MED19: variants seen among roughly 807,000 people sequenced by gnomAD.
MED19 encodes the protein mediator complex subunit 19.
Under a neutral mutation model 19.9 loss-of-function variants are expected in MED19, and 4 were observed. That is an observed-to-expected ratio of 0.20 (90% confidence interval 0.10 to 0.46). MED19 has a LOEUF of 0.46. Among genes scored for constraint, MED19 ranks in the 20% least tolerant of loss-of-function variants. The pLI is 0.99. For missense variants in MED19, 303 were observed against 318.7 expected (o/e 0.95, Z 0.38); for synonymous variants, 139 against 119.6 (o/e 1.16, Z -1.06).
chr11:57,707,864 G>A (rs767683392), intron 1 of MED19, among the ~76,000 whole-genome samples: 1 of 151,954 alleles, frequency 6.6e-6, no homozygotes, highest in Non-Finnish European at 1.5e-5. Context: ...AGACAGTCTC[G>A]CTCTGTCACC....
At chr11:57,708,744 C>T (rs192721605) in intron 1 of MED19, among the ~76,000 whole-genome samples, 13 of 152,214 alleles carry the variant, frequency 8.5e-5, no homozygotes, top group Middle Eastern at 3.4e-3. Flanking sequence ...CCATCTCACC[C>T]GCCTCATACA....
chr11:57,710,957 G>T (rs1029639990), intron 1 of MED19, among the ~76,000 whole-genome samples: 2 of 152,194 alleles, frequency 1.3e-5, no homozygotes, highest in South Asian at 4.1e-4. Flanking sequence ...CTCCCAAAGC[G>T]CTGGGATTAC....
intron 1 of MED19, among the ~76,000 whole-genome samples, chr11:57,710,187 C>A (rs1385723648): frequency 6.6e-6 from 1 of 152,124 alleles, no homozygotes; most frequent in East Asian, 1.9e-4. Context: ...CACAGTAAGA[C>A]CCAGTCTCTA....
intron 1 of MED19, among the ~76,000 whole-genome samples, chr11:57,711,351 C>G (rs1292470923): frequency 6.6e-6 from 1 of 152,140 alleles, no homozygotes; most frequent in East Asian, 1.9e-4. Context: ...GTTCCAAACT[C>G]AAACCCTGGA....
chr11:57,703,931 G>A, exon 5 of MED19: 1 of 1,458,846 alleles, frequency 6.9e-7, no homozygotes. Context: ...CTCTGTCCCA[G>A]CTGCAGGATG....
chr11:57,703,924 T>C, exon 5 of MED19: 2 of 1,436,174 alleles, frequency 1.4e-6, no homozygotes, highest in South Asian at 1.4e-5. Flanking sequence ...AGCTGGCCTC[T>C]GTCCCAGCTG....
At chr11:57,704,875 C>T in intron 2 of MED19, 60 bp from the exon 3 acceptor site, 1 of 1,609,162 alleles carries the variant, frequency 6.2e-7, no homozygotes, top group Middle Eastern at 1.9e-4. Flanking sequence ...CTGCTCTTAT[C>T]ATCCATTCTG....
At chr11:57,710,420 C>T (rs563437398) in intron 1 of MED19, among the ~76,000 whole-genome samples, 4 of 152,174 alleles carry the variant, frequency 2.6e-5, no homozygotes, top group Non-Finnish European at 5.9e-5. Context: ...GCCTTTACTG[C>T]TTTATAAAAG....
chr11:57,705,626 C>A (rs1174340179), intron 1 of MED19, among the ~76,000 whole-genome samples: 3 of 150,612 alleles, frequency 2.0e-5, no homozygotes, highest in African/African-American at 7.3e-5. Context: ...TGCACTCCAG[C>A]CTGGACAACA....
At chr11:57,708,153 T>A (rs1195525818) in intron 1 of MED19, among the ~76,000 whole-genome samples, 2 of 151,960 alleles carry the variant, frequency 1.3e-5, no homozygotes, top group African/African-American at 2.4e-5. Context: ...AAAAAAAAAT[T>A]GTTTTGAAAT....
rs539281492 is a variant in MED19, at chr11:57,705,045, G to C, written c.402C>G (p.Pro134=). The change falls in exon 2 of 5, where the codon CCC becomes CCG. Residue 134 remains proline (P), a synonymous_variant. Transcript: ENST00000431606. Reference sequence around the variant, plus strand: ...GATTGAAAGAGCTACTGAGAATAGGGGGCTTCTCAATGAGAGAGCGGAGGC... The same window carrying C: ...GATTGAAAGAGCTACTGAGAATAGGCGGCTTCTCAATGAGAGAGCGGAGGC... 2.5e-6 allele frequency: 4 copies of C among 1,614,128 alleles called. No individual in the cohort carries two copies. The African/African-American group carries it at 5.3e-5, about 22-fold the overall frequency.
intron 3 of MED19, 86 bp from the exon 4 acceptor site, chr11:57,704,482 A>G: frequency 6.4e-7 from 1 of 1,553,952 alleles, no homozygotes; most frequent in Non-Finnish European, 8.6e-7. Context: ...GAAAATCCCA[A>G]GTCGGGGCAA....
intron 1 of MED19, among the ~76,000 whole-genome samples, chr11:57,708,854 C>T (rs761663990): frequency 1.3e-5 from 2 of 152,086 alleles, no homozygotes; most frequent in Non-Finnish European, 2.9e-5. Context: ...TAAAAGAAAC[C>T]GCTGGTGGAC....
exon 2 of MED19, chr11:57,705,092 G>A (rs1372440386): frequency 1.2e-6 from 2 of 1,614,052 alleles, no homozygotes; most frequent in African/African-American, 1.3e-5. Flanking sequence ...TGGGAACCAG[G>A]CAGATCAATC....
intron 3 of MED19, 87 bp downstream of exon 3, chr11:57,704,632 T>C (rs1404394198): frequency 6.2e-7 from 1 of 1,608,550 alleles, no homozygotes; most frequent in Non-Finnish European, 8.5e-7. Flanking sequence ...TTAACTGGGT[T>C]TACCTATGGA....
chr11:57,703,909 A>T (rs1365093576), exon 5 of MED19: 15 of 1,389,956 alleles, frequency 1.1e-5, no homozygotes, highest in Non-Finnish European at 1.4e-5. Context: ...ACTGAGCCCA[A>T]CAGGAGCTGG....
chr11:57,704,440 C>T (rs1342396319), intron 3 of MED19, 44 bp from the exon 4 acceptor site: 55 of 1,518,424 alleles, frequency 3.6e-5, no homozygotes, highest in Non-Finnish European at 4.7e-5. Flanking sequence ...AGCTCAAAAT[C>T]CTCTACTGTT....
In MED19 at chr11:57,704,817, T is replaced by G; in HGVS notation, c.475-2A>C. ...CATCAGACGACACTGCTCCGGCAAC[T>G]GAAGGAACCAAAGGAAGGTCCAGGT... is the stretch of plus-strand genomic sequence containing the variant. On this transcript the variant is annotated splice_acceptor_variant, in intron 2 of 4. Coordinates refer to ENST00000431606, the Ensembl canonical transcript of MED19. LOFTEE classifies it high-confidence loss of function. The G allele has an allele frequency of 6.2e-7, 1 of 1,613,716 alleles. No individual in the cohort carries two copies. The highest frequency in any genetic ancestry group is 8.5e-7 in the Non-Finnish European group (1 of 1,179,978).
At position 57,705,533 on chromosome 11, in the gene MED19, A is replaced by G. The variant is rs1345264835; in HGVS notation, c.218-304T>C. On this transcript the variant is annotated intron_variant, in intron 1 of 4. Coordinates refer to ENST00000431606, the Ensembl canonical transcript of MED19. ...GCCAGGCGTGGTAGCACGTGCCTGT[A>G]GTCCCAACTACTCAGGAGGCTGGGG... Among the ~76,000 whole-genome samples, 2 of 151,918 alleles carry G rather than the reference A, an allele frequency of 1.3e-5. 1 individual carries two copies. Among genetic ancestry groups the G allele is most frequent in the East Asian group, 3.9e-4 (2 of 5,158 alleles).
Sources: allele counts gnomAD v4.1 joint callset (sites outside exome capture counted in the v4.1 genomes callset), GRCh38; gene constraint gnomAD v4.1.1; transcripts MANE v1.5; gene names NCBI Gene and HGNC (gene_info 2026-07-23, HGNC 2026-07-21).